The following COBL variants were observed in gnomAD, a reference collection of about 807,000 sequenced individuals.
The protein encoded by COBL is cordon-bleu WH2 repeat protein.
Under a neutral mutation model 98.8 loss-of-function variants are expected in COBL, and 51 were observed. The ratio of observed to expected loss-of-function variants is 0.52; its 90% confidence interval spans 0.41 to 0.65. The LOEUF (loss-of-function observed/expected upper bound fraction) is 0.65, where lower values mean the gene tolerates loss of function less well. COBL is among the 30% of genes least tolerant of loss of function. The pLI is 0.00. For synonymous variants in COBL, 634 were observed against 651.7 expected (o/e 0.97, Z 0.41); for missense variants, 1,617 against 1,617.5 (o/e 1.00, Z 0.01).
chr7:51,221,047 A>C (rs1190088232), intron 1 of COBL, among the ~76,000 whole-genome samples: 5 of 152,182 alleles, frequency 3.3e-5, no homozygotes, highest in African/African-American at 1.2e-4. Flanking sequence ...ACTAGGACCT[A>C]TGCTAATAAT....
intron 5 of COBL, among the ~76,000 whole-genome samples, chr7:51,151,978 A>G (rs1422049969): frequency 1.3e-5 from 2 of 152,184 alleles, no homozygotes; most frequent in African/African-American, 4.8e-5. Flanking sequence ...TAATGATCTG[A>G]TTTTGGCTTA....
intron 5 of COBL, chr7:51,156,466 G>C (rs1448427034): frequency 1.0e-6 from 1 of 984,776 alleles, no homozygotes; most frequent in East Asian, 1.1e-4. Context: ...GCATCACCCA[G>C]AATTATTCAG....
At chr7:51,085,086 G>T in intron 7 of COBL, 80 bp downstream of exon 7, 1 of 1,602,824 alleles carries the variant, frequency 6.2e-7, no homozygotes, top group Non-Finnish European at 8.5e-7. Context: ...TGAGGCCACT[G>T]CAGGAGTTCA....
intron 1 of COBL, among the ~76,000 whole-genome samples, chr7:51,291,760 C>CA (rs963334495): frequency 8.3e-5 from 12 of 144,802 alleles, no homozygotes; most frequent in South Asian, 2.2e-4. Flanking sequence ...GACTCCGTCT[C>CA]AAAAAAAAAA....
At chr7:51,161,158 TTTCCAGGCCCAGAAAAGCTCGC>T (rs1167108678) in intron 5 of COBL, among the ~76,000 whole-genome samples, 1 of 152,180 alleles carries the variant, frequency 6.6e-6, no homozygotes, top group African/African-American at 2.4e-5. Context: ...GATTTGAGCT[TTTCCAGGCCCAGAAAAGCTCGC>T]GAGGGGATTT....
intron 2 of COBL, among the ~76,000 whole-genome samples, chr7:51,203,905 T>G (rs1227795773): frequency 6.6e-6 from 1 of 151,964 alleles, no homozygotes; most frequent in Non-Finnish European, 1.5e-5. Flanking sequence ...GACACCAAAG[T>G]CAAAGATCCC....
chr7:51,067,780 A>G (rs1342510698), intron 7 of COBL, among the ~76,000 whole-genome samples: 1 of 152,256 alleles, frequency 6.6e-6, no homozygotes, highest in Non-Finnish European at 1.5e-5. Flanking sequence ...AAATGCAGCA[A>G]AGCCCCAATG....
intron 1 of COBL, among the ~76,000 whole-genome samples, chr7:51,280,012 A>C (rs1284711986): frequency 1.3e-5 from 2 of 152,196 alleles, no homozygotes; most frequent in African/African-American, 4.8e-5. Context: ...CTTTATAAGA[A>C]AAATCATTTA....
At chr7:51,256,692 C>T (rs978180901) in intron 1 of COBL, among the ~76,000 whole-genome samples, 2 of 152,186 alleles carry the variant, frequency 1.3e-5, no homozygotes, top group Non-Finnish European at 2.9e-5. Context: ...ACTACCACCA[C>T]CAGTGAGGAA....
chr7:51,073,126 C>T (rs978023768), intron 7 of COBL: 1 of 385,274 alleles, frequency 2.6e-6, no homozygotes, highest in Non-Finnish European at 4.6e-6. Context: ...TATTATCAAC[C>T]TAAAATTTGC....
At position 51,064,926 on chromosome 7, in the gene COBL, T is replaced by C. The variant is rs1791746249; in HGVS notation, c.1096+20240A>G. On this transcript the variant is annotated intron_variant, in intron 7 of 12. Coordinates refer to ENST00000265136, the MANE Select transcript of COBL (RefSeq NM_015198.5). ...TGCCTGGAAAGGATGCAGTGCGGTC[T>C]GTGGTGACGGGTTCATATTCAGGCT... 8 of 570,590 alleles carry C rather than the reference T, an allele frequency of 1.4e-5. No homozygotes were observed. The South Asian group carries it at 1.8e-4, about 13-fold the overall frequency. 35.3% of individuals were successfully genotyped at this position (570,590 alleles called of 1,614,324 possible).
chr7:51,086,534 A>G (rs996350491), intron 6 of COBL, among the ~76,000 whole-genome samples: 3 of 151,610 alleles, frequency 2.0e-5, no homozygotes, highest in African/African-American at 7.3e-5. Context: ...TGCCACTTCA[A>G]CTCTGACCTT....
intron 1 of COBL, among the ~76,000 whole-genome samples, chr7:51,313,743 G>A (rs1198721701): frequency 1.3e-5 from 2 of 152,202 alleles, no homozygotes; most frequent in South Asian, 2.1e-4. Context: ...TGTAACAGCC[G>A]ACTACTGGGA....
At chr7:51,078,426 A>G (rs1406044175) in intron 7 of COBL, among the ~76,000 whole-genome samples, 1 of 152,198 alleles carries the variant, frequency 6.6e-6, no homozygotes, top group Admixed American at 6.5e-5. Flanking sequence ...GGAAGAACTA[A>G]GATCCTTGAT....
chr7:51,230,790 G>A (rs1056339543), intron 1 of COBL, among the ~76,000 whole-genome samples: 10 of 152,126 alleles, frequency 6.6e-5, no homozygotes, highest in Non-Finnish European at 1.2e-4. Flanking sequence ...ACCCCTCATC[G>A]CCCACATCGT....
intron 1 of COBL, among the ~76,000 whole-genome samples, chr7:51,281,667 A>T (rs1301579839): frequency 6.6e-6 from 1 of 151,914 alleles, no homozygotes; most frequent in East Asian, 1.9e-4. Context: ...AAAACTGTAA[A>T]CCATGTTACT....
At chr7:51,278,956 C>G (rs767593873) in intron 1 of COBL, among the ~76,000 whole-genome samples, 12 of 152,238 alleles carry the variant, frequency 7.9e-5, no homozygotes, top group Non-Finnish European at 1.5e-4. Flanking sequence ...ACCCACGCAG[C>G]AGGCGGCAGG....
chr7:51,300,965 C>T (rs1017935924), intron 1 of COBL, among the ~76,000 whole-genome samples: 3 of 152,146 alleles, frequency 2.0e-5, no homozygotes, highest in Non-Finnish European at 4.4e-5. Flanking sequence ...CCGCGGGGTC[C>T]AGATGTGGGG....
intron 1 of COBL, among the ~76,000 whole-genome samples, chr7:51,292,695 G>A (rs1247793786): frequency 6.6e-6 from 1 of 152,216 alleles, no homozygotes; most frequent in African/African-American, 2.4e-5. Flanking sequence ...CTCCTGTCTG[G>A]GATCTTGTTC....
Sources: gnomAD v4.1 joint callset for allele counts (sites outside exome capture counted in the v4.1 genomes callset) on GRCh38, gnomAD v4.1.1 for gene constraint, MANE v1.5 for transcripts, NCBI Gene and HGNC (gene_info 2026-07-23, HGNC 2026-07-21) for gene names.